Variants in GPHN observed in about 807,000 individuals in gnomAD.
GPHN encodes the protein gephyrin.
GPHN carries 17 observed loss-of-function variants against 95.5 expected under a neutral mutation model. The ratio of observed to expected loss-of-function variants is 0.18; its 90% CI spans 0.12 to 0.27. The LOEUF (loss-of-function observed/expected upper bound fraction) is 0.27, where lower values mean the gene tolerates loss of function less well. Among genes scored for constraint, GPHN ranks in the 10% least tolerant of loss-of-function variants. The pLI is 1.00. For missense variants in GPHN, 660 were observed against 978.1 expected, an observed-to-expected ratio of 0.67 and a Z score of 4.34; for synonymous variants, 320 against 322.5, an observed-to-expected ratio of 0.99 and a Z score of 0.08.
chr14:66,629,113 A>ATATATAAATATG (rs1391397931), intron 1 of GPHN, among the ~76,000 whole-genome samples: 5 of 101,182 alleles, frequency 4.9e-5, no homozygotes, highest in African/African-American at 1.6e-4. Context: ...ATTTATATAC[A>ATATATAAATATG]TATATAAATA....
chr14:67,416,526 G>C, the GPHN span, among the ~76,000 whole-genome samples: 1 of 152,222 alleles, frequency 6.6e-6, no homozygotes, highest in Non-Finnish European at 1.5e-5. Context: ...AGAAGTACAG[G>C]CAGGAAAAGA....
chr14:67,490,358 G>A, the GPHN span, among the ~76,000 whole-genome samples: 1 of 152,172 alleles, frequency 6.6e-6, no homozygotes, highest in Non-Finnish European at 1.5e-5. Flanking sequence ...GCACAATACA[G>A]AAGGCATGTC....
At chr14:66,678,891 T>A (rs1190631488) in intron 1 of GPHN, among the ~76,000 whole-genome samples, 1 of 152,216 alleles carries the variant, frequency 6.6e-6, no homozygotes, top group Non-Finnish European at 1.5e-5. Context: ...AGGTTGTTCA[T>A]GGAGTCAGCG....
At chr14:67,428,159 C>T in the GPHN span, among the ~76,000 whole-genome samples, 16,376 of 152,020 alleles carry the variant, frequency 0.11, 1,093 homozygotes, top group African/African-American at 0.18. Flanking sequence ...CCTCAAGCGA[C>T]CCACCCGCCT....
At chr14:67,708,534 G>C in the GPHN span, among the ~76,000 whole-genome samples, 1 of 151,942 alleles carries the variant, frequency 6.6e-6, no homozygotes, top group Non-Finnish European at 1.5e-5. Context: ...AGAAACAATT[G>C]ACAAGGAAAT....
chr14:66,575,141 G>T (rs2060853795), intron 1 of GPHN, among the ~76,000 whole-genome samples: 1 of 152,192 alleles, frequency 6.6e-6, no homozygotes, highest in African/African-American at 2.4e-5. Flanking sequence ...CAAAGCTTCT[G>T]TTTGTCTGAG....
At chr14:67,434,972 T>TA in the GPHN span, among the ~76,000 whole-genome samples, 1 of 145,440 alleles carries the variant, frequency 6.9e-6, no homozygotes, top group African/African-American at 2.5e-5. Flanking sequence ...CTCTCTCTCT[T>TA]TTTTTTTTTT....
intron 2 of GPHN, among the ~76,000 whole-genome samples, chr14:66,746,655 C>T (rs999483000): frequency 5.3e-5 from 8 of 151,464 alleles, no homozygotes; most frequent in African/African-American, 2.0e-4. Flanking sequence ...TTTCTACTTC[C>T]CTTGGGGCTG....
chr14:67,224,250 C>T, the GPHN span, among the ~76,000 whole-genome samples: 1 of 148,158 alleles, frequency 6.7e-6, no homozygotes, highest in African/African-American at 2.5e-5. Flanking sequence ...GAGTTCATTT[C>T]TCTCTTTTCT....
At chr14:67,083,950 A>C (rs2076790028) in intron 11 of GPHN, among the ~76,000 whole-genome samples, 1 of 152,164 alleles carries the variant, frequency 6.6e-6, no homozygotes, top group African/African-American at 2.4e-5. Flanking sequence ...TCTTGTAGTC[A>C]TAATCATTAA....
At chr14:67,447,034 G>C in the GPHN span, 1 of 152,170 alleles carries the variant, frequency 6.6e-6, no homozygotes, top group Non-Finnish European at 1.5e-5. Flanking sequence ...TCCATATGGG[G>C]AGTGTCTTAG....
the GPHN span, among the ~76,000 whole-genome samples, chr14:67,710,455 G>A: frequency 4.6e-5 from 7 of 152,064 alleles, no homozygotes; most frequent in African/African-American, 1.4e-4. Context: ...TAGACCTTTT[G>A]TGACATGCTT....
At position 66,529,606 on chromosome 14, in the gene GPHN, C is replaced by G. The variant is rs6573682; in HGVS notation, c.64+21015C>G. On this transcript the variant is annotated intron_variant, in intron 1 of 22. Coordinates refer to ENST00000478722, the MANE Select transcript of GPHN (RefSeq NM_020806.5). ...TTTCTCCCTATCTTTGTGGATTTATCTACCTTTGTTCTTTGATTTTGGTGA... is the reference window on the plus strand; with the variant it reads ...TTTCTCCCTATCTTTGTGGATTTATGTACCTTTGTTCTTTGATTTTGGTGA... Among the ~76,000 whole-genome samples, 1,461 of 152,250 alleles carry G rather than the reference C, an allele frequency of 9.6e-3. 20 individuals are homozygous for G. Among genetic ancestry groups the G allele is most frequent in the African/African-American group, 0.033 (1,352 of 41,538 alleles).
the GPHN span, among the ~76,000 whole-genome samples, chr14:67,552,248 A>T: frequency 3.3e-5 from 5 of 152,216 alleles, no homozygotes; most frequent in African/African-American, 1.2e-4. Flanking sequence ...AGCTGAGGAC[A>T]TGGTCCTAGA....
the GPHN span, among the ~76,000 whole-genome samples, chr14:67,325,184 C>T: frequency 3.3e-5 from 5 of 152,158 alleles, no homozygotes; most frequent in East Asian, 7.7e-4. Flanking sequence ...GGATTACAGG[C>T]GTGAGCCACC....
intron 5 of GPHN, among the ~76,000 whole-genome samples, chr14:66,890,824 A>G (rs1262849714): frequency 5.9e-5 from 9 of 152,036 alleles, no homozygotes; most frequent in Admixed American, 5.2e-4. Flanking sequence ...CCATGTGATC[A>G]TTTGATGATG....
At chr14:67,201,641 T>C in the GPHN span, 5 of 417,074 alleles carry the variant, frequency 1.2e-5, no homozygotes, top group Non-Finnish European at 2.4e-5. Flanking sequence ...CCACTACCCA[T>C]TTAAGTTAAT....
intron 5 of GPHN, among the ~76,000 whole-genome samples, chr14:66,904,752 G>A (rs2065291769): frequency 6.6e-6 from 1 of 152,162 alleles, no homozygotes; most frequent in Non-Finnish European, 1.5e-5. Flanking sequence ...CTCTAGGCCA[G>A]CCAAAGGGTC....
At chr14:66,601,384 T>C (rs1382683362) in intron 1 of GPHN, among the ~76,000 whole-genome samples, 2 of 152,026 alleles carry the variant, frequency 1.3e-5, no homozygotes, top group East Asian at 3.9e-4. Context: ...AGTTGGCTTA[T>C]GAGGATGTAG....
Sources: gnomAD v4.1 joint callset for allele counts (sites outside exome capture counted in the v4.1 genomes callset) on GRCh38, gnomAD v4.1.1 for gene constraint, MANE v1.5 for transcripts, NCBI Gene and HGNC (gene_info 2026-07-23, HGNC 2026-07-21) for gene names.